Variants in CKAP5 observed in about 807,000 individuals in gnomAD.
CKAP5 encodes cytoskeleton-associated protein 5.
CKAP5 carries 27 observed loss-of-function variants against 232.8 expected under a neutral mutation model. That is an observed-to-expected ratio of 0.12 (90% CI 0.09 to 0.16). CKAP5 has a LOEUF of 0.16. Among genes scored for constraint, CKAP5 ranks in the 10% least tolerant of loss-of-function variants. The pLI, the probability that CKAP5 is intolerant of heterozygous loss-of-function variation, is 1.00. For synonymous variants in CKAP5, 785 were observed against 841.1 expected (o/e 0.93, Z 1.16); for missense variants, 1,838 against 2,424.7 (o/e 0.76, Z 5.08).
At position 46,744,174 on chromosome 11, in the gene CKAP5, G is replaced by A. The variant is rs777964839; in HGVS notation, c.5948C>T (p.Ser1983Phe). 3.1e-6 allele frequency: 5 copies of A among 1,614,074 alleles called. No individual in the cohort carries two copies. The highest frequency in any genetic ancestry group is 1.3e-5 in the African/African-American group (1 of 74,916). ...SSTDMLHSKL[S>F]QLRESREQHQ... ...CTGCTCCCGTGACTCCCGGAGCTGA[G>A]AGAGTTTGCTGTGGAGCATGTCTGT... Residue 1983 changes from serine (S) to phenylalanine (F), a missense_variant, in exon 44 of 44, where the codon TCT (serine) becomes TTT (phenylalanine). Physicochemically the swap from Ser to Phe is radical, Grantham distance 155. Around this residue, in one of 6 missense-constraint regions of CKAP5, gnomAD observed 62 missense variants for 61.1 expected, o/e 1.01. Coordinates refer to ENST00000529230, the MANE Select transcript of CKAP5 (RefSeq NM_001008938.4).
At chr11:46,815,177 A>C (rs1939368126) in intron 4 of CKAP5, among the ~76,000 whole-genome samples, 1 of 151,932 alleles carries the variant, frequency 6.6e-6, no homozygotes, top group Admixed American at 6.6e-5. Context: ...CAGCCTTCCG[A>C]GTAGCTGGAA....
intron 1 of CKAP5, among the ~76,000 whole-genome samples, chr11:46,839,837 G>A (rs948977411): frequency 6.6e-6 from 1 of 152,074 alleles, no homozygotes; most frequent in African/African-American, 2.4e-5. Flanking sequence ...ACATTGTGAG[G>A]ATAAAAAAAG....
In CKAP5 at chr11:46,788,737, G is replaced by T; in HGVS notation, c.1912C>A (p.Gln638Lys). ...TTGGCTAGCATCCTCACTAATGCCT[G>T]GCATGGCATTTCAGTTCGGTCCATT... Reference protein sequence around the residue: ...ELMDRTEMPCQALVRMLAKKP... With the variant: ...ELMDRTEMPCKALVRMLAKKP... The change falls in exon 16 of 44, where the codon CAG (glutamine) becomes AAG (lysine). Residue 638 changes from glutamine (Q) to lysine (K), a missense_variant. Physicochemically the swap from Gln to Lys is moderately conservative, Grantham distance 53. Coordinates refer to ENST00000529230, the MANE Select transcript of CKAP5 (RefSeq NM_001008938.4). 6.2e-7 allele frequency: 1 copy of T among 1,607,374 alleles called. No homozygotes were observed. The highest frequency in any genetic ancestry group is 8.5e-7 in the Non-Finnish European group (1 of 1,177,810).
chr11:46,821,095 C>A, intron 2 of CKAP5, 80 bp downstream of exon 2: 1 of 913,188 alleles, frequency 1.1e-6, no homozygotes, highest in Non-Finnish European at 1.7e-6. Context: ...TGTTTTCACA[C>A]ACTTCTAAGT....
At chr11:46,751,621 C>T in intron 38 of CKAP5, 87 bp from the exon 39 acceptor site, 17 of 1,142,486 alleles carry the variant, frequency 1.5e-5, no homozygotes, top group Non-Finnish European at 1.7e-5. Context: ...TTTGAGCTCA[C>T]TTCTAAAAGA....
At chr11:46,772,212 C>A (rs2065253856) in intron 24 of CKAP5, among the ~76,000 whole-genome samples, 1 of 151,848 alleles carries the variant, frequency 6.6e-6, no homozygotes, top group African/African-American at 2.4e-5. Flanking sequence ...GATATTAGTC[C>A]TTTATTGGAT....
At chr11:46,763,715 CAATAA>C (rs2065176174) in intron 28 of CKAP5, 85 bp from the exon 29 acceptor site, 1 of 837,692 alleles carries the variant, frequency 1.2e-6, no homozygotes, top group Non-Finnish European at 1.7e-6. Context: ...GCTGCAGGAA[CAATAA>C]AATATTTAAA....
chr11:46,810,006 C>G (rs12796154), intron 5 of CKAP5, 132 bp from the exon 6 acceptor site: 43,741 of 871,232 alleles, frequency 0.05, 1,312 homozygotes, highest in Non-Finnish European at 0.06. Context: ...GAGTCTTACT[C>G]TGTCACCCAG....
chr11:46,792,125 CTT>C (rs918397734), intron 13 of CKAP5, among the ~76,000 whole-genome samples: 59 of 152,298 alleles, frequency 3.9e-4, no homozygotes, highest in African/African-American at 1.4e-3. Flanking sequence ...ATTCTGTACT[CTT>C]TGATTAACTA....
intron 13 of CKAP5, among the ~76,000 whole-genome samples, chr11:46,794,699 G>C (rs1938827174): frequency 6.6e-6 from 1 of 152,048 alleles, no homozygotes; most frequent in South Asian, 2.1e-4. Flanking sequence ...AGCTGGGTAT[G>C]GTGGCAAGTC....
chr11:46,753,455 C>T lies in CKAP5; in HGVS notation c.4912G>A (p.Val1638Ile). The T allele has an allele frequency of 6.2e-7, 1 of 1,613,614 alleles. No homozygotes were observed. Among genetic ancestry groups the T allele is most frequent in the Non-Finnish European group, 8.5e-7 (1 of 1,179,854 alleles). The change falls in exon 37 of 44, where the codon GTA (valine) becomes ATA (isoleucine). Residue 1638 changes from valine to isoleucine, a missense_variant. Around this residue, in one of 6 missense-constraint regions of CKAP5, gnomAD observed 579 missense variants for 843.2 expected, o/e 0.69. Coordinates refer to ENST00000529230, the MANE Select transcript of CKAP5 (RefSeq NM_001008938.4). ...AGGCCATGCATTAGGTCTTTTAGTA[C>T]TCCAGTGGAGGCCTCCCGGGCAAGG... ...ESLAREASTG[V>I]LKDLMHGLIT...
chr11:46,748,009 A>C (rs2065034890), intron 42 of CKAP5, among the ~76,000 whole-genome samples: 1 of 152,044 alleles, frequency 6.6e-6, no homozygotes, highest in African/African-American at 2.4e-5. Context: ...GCGCCACTGC[A>C]CTCCAGCCTG....
intron 1 of CKAP5, among the ~76,000 whole-genome samples, chr11:46,838,617 CAAAAAAAAAAAAAAAAAAAA>C (rs56117525): frequency 2.2e-5 from 1 of 45,052 alleles, no homozygotes; most frequent in Admixed American, 3.4e-4. Flanking sequence ...CTTGCCTCTT[CAAAAAAAAAAAAAAAAAAAA>C]AAAAAAAAAT....
Position 46,798,112 on chromosome 11 carries a change from G to T in CKAP5, c.1144C>A (p.Gln382Lys), listed in dbSNP as rs1180131338. The T allele has an allele frequency of 1.2e-6, 2 of 1,613,924 alleles. No individual in the cohort carries two copies. The highest frequency in any genetic ancestry group is 1.7e-5 in the Admixed American group (1 of 59,988). ...EKKPQVVQALQEAIDAIFLTT... is the reference protein window; with the variant it reads ...EKKPQVVQALKEAIDAIFLTT... ...AGGAAGATTGCATCAATTGCCTCCT[G>T]CAGGGCTTGTACCACTTGAGGTTTC... Residue 382 changes from glutamine (Q) to lysine (K), a missense_variant, in exon 10 of 44, where the codon CAG (glutamine) becomes AAG (lysine). Transcript: ENST00000529230.
At position 46,748,814 on chromosome 11, in the gene CKAP5, T is replaced by C. The variant is rs549348607; in HGVS notation, c.5704+1460A>G. Among the ~76,000 whole-genome samples, 419 of 151,888 alleles carry C rather than the reference T, an allele frequency of 2.8e-3. 2 individuals carry two copies. The highest frequency in any genetic ancestry group is 9.6e-3 in the African/African-American group (397 of 41,482). Reference sequence around the variant, plus strand: ...AAGTCAATGGATCAGGCTTACGGGATGATCAGGACTTTAGTTTTTTTGTTT... The same window carrying C: ...AAGTCAATGGATCAGGCTTACGGGACGATCAGGACTTTAGTTTTTTTGTTT... On this transcript the variant is annotated intron_variant, in intron 42 of 43. Transcript: ENST00000529230.
At chr11:46,781,829 G>A (rs897614656) in intron 18 of CKAP5, among the ~76,000 whole-genome samples, 1 of 152,000 alleles carries the variant, frequency 6.6e-6, no homozygotes, top group Non-Finnish European at 1.5e-5. Flanking sequence ...AAAAAAAATA[G>A]ATATATATTT....
chr11:46,790,722 A>T, intron 13 of CKAP5, 139 bp from the exon 14 acceptor site: 1 of 617,502 alleles, frequency 1.6e-6, no homozygotes, highest in Non-Finnish European at 2.8e-6. Context: ...AGCTTGCTAC[A>T]GGTTCAACCT....
intron 26 of CKAP5, 49 bp downstream of exon 26, chr11:46,769,914 T>C: frequency 8.1e-6 from 13 of 1,595,500 alleles, no homozygotes; most frequent in Non-Finnish European, 1.1e-5. Context: ...CTTTTTAGAG[T>C]TCCTCAGGGC....
In CKAP5 at chr11:46,809,959, A is replaced by G. The variant is rs1396013179; in HGVS notation, c.631-85T>C. On this transcript the variant is annotated intron_variant, in intron 5 of 43. Coordinates refer to ENST00000529230, the MANE Select transcript of CKAP5 (RefSeq NM_001008938.4). ...TAATACTTACATTTATTGACATATC[A>G]GGACCCAATTTCTTTCTTTTTTTTT... 6 of 1,328,276 alleles carry G rather than the reference A, an allele frequency of 4.5e-6. No homozygotes were observed. The East Asian group carries it at 1.2e-4, about 26-fold the overall frequency. The allele number at this position is 1,328,276 out of a possible 1,614,324, so 82.3% of individuals were successfully genotyped here. A position where few individuals can be genotyped will look rare whatever the true frequency, so the allele number is the denominator to read the frequency against.
Sources: gnomAD v4.1 joint callset for allele counts (sites outside exome capture counted in the v4.1 genomes callset) on GRCh38, gnomAD v4.1.1 for gene constraint, gnomAD v4.1.1 regional missense constraint, MANE v1.5 for transcripts, NCBI Gene and HGNC (gene_info 2026-07-23, HGNC 2026-07-21) for gene names.